LRP1B: variants seen among roughly 807,000 people sequenced by gnomAD.
LRP1B encodes LDL receptor related protein 1B.
Under a neutral mutation model 556.6 loss-of-function variants are expected in LRP1B, and 217 were observed. The observed-to-expected ratio is 0.39, with a 90% CI of 0.35 to 0.44. The LOEUF is 0.44. Among genes scored for constraint, LRP1B ranks in the 20% least tolerant of loss-of-function variants. The probability of loss-of-function intolerance (pLI) is 1.00; values close to 1 mark genes in which losing one functional copy is unlikely to be tolerated. For synonymous variants in LRP1B, 2,047 were observed against 1,865.8 expected (o/e 1.10, Z -2.50); for missense variants, 5,053 against 5,620.8 (o/e 0.90, Z 3.23).
intron 66 of LRP1B, among the ~76,000 whole-genome samples, chr2:140,410,802 G>T (rs1684940830): frequency 6.6e-6 from 1 of 152,102 alleles, no homozygotes; most frequent in African/African-American, 2.4e-5. Context: ...AGAAAGAAAA[G>T]AATTGGTATT....
chr2:141,624,872 C>G (rs1443598330), intron 2 of LRP1B, among the ~76,000 whole-genome samples: 1 of 152,118 alleles, frequency 6.6e-6, no homozygotes, highest in Non-Finnish European at 1.5e-5. Flanking sequence ...CAGGTTCATT[C>G]CATTCTCCTG....
intron 1 of LRP1B, among the ~76,000 whole-genome samples, chr2:141,879,716 C>A (rs533548055): frequency 6.6e-6 from 1 of 151,980 alleles, no homozygotes; most frequent in South Asian, 2.1e-4. Flanking sequence ...AAAATAGAGT[C>A]ATCTGGGATA....
intron 1 of LRP1B, among the ~76,000 whole-genome samples, chr2:142,012,538 C>T (rs2105158296): frequency 6.6e-6 from 1 of 152,202 alleles, no homozygotes; most frequent in African/African-American, 2.4e-5. Context: ...ATAAGTGCTG[C>T]CTGTTTCAGC....
intron 2 of LRP1B, among the ~76,000 whole-genome samples, chr2:141,537,098 G>T (rs1344089723): frequency 6.6e-6 from 1 of 151,994 alleles, no homozygotes; most frequent in South Asian, 2.1e-4. Context: ...ATAACTAAGA[G>T]CACATGCCTC....
intron 7 of LRP1B, among the ~76,000 whole-genome samples, chr2:141,111,962 C>T (rs1301673609): frequency 1.3e-5 from 2 of 151,702 alleles, no homozygotes; most frequent in Non-Finnish European, 1.5e-5. Flanking sequence ...AGGAGAATGG[C>T]GTGAACTCGG....
intron 2 of LRP1B, among the ~76,000 whole-genome samples, chr2:141,673,281 A>G (rs975444646): frequency 1.2e-4 from 18 of 152,204 alleles, no homozygotes; most frequent in African/African-American, 4.3e-4. Flanking sequence ...CTTTACTGCA[A>G]TGTTGAATAC....
chr2:141,455,858 A>G (rs945524770), intron 3 of LRP1B, among the ~76,000 whole-genome samples: 1 of 152,220 alleles, frequency 6.6e-6, no homozygotes, highest in South Asian at 2.1e-4. Context: ...CTATCATTCA[A>G]AGAATAATGA....
intron 3 of LRP1B, among the ~76,000 whole-genome samples, chr2:141,321,753 T>C (rs572356712): frequency 1.2e-4 from 19 of 152,252 alleles, no homozygotes; most frequent in African/African-American, 4.6e-4. Context: ...TGGTCTTTTA[T>C]GATCCAGATA....
chr2:140,952,606 A>C (rs1695751369), intron 18 of LRP1B, among the ~76,000 whole-genome samples: 1 of 152,174 alleles, frequency 6.6e-6, no homozygotes, highest in African/African-American at 2.4e-5. Context: ...AGACCTCCTT[A>C]CTAACCTTTA....
chr2:141,403,056 A>G (rs1690503516), intron 3 of LRP1B, among the ~76,000 whole-genome samples: 1 of 152,106 alleles, frequency 6.6e-6, no homozygotes, highest in Non-Finnish European at 1.5e-5. Flanking sequence ...CTGAAATTTT[A>G]GACAACAGTG....
intron 2 of LRP1B, among the ~76,000 whole-genome samples, chr2:141,583,057 G>A (rs1687007302): frequency 6.6e-6 from 1 of 151,788 alleles, no homozygotes; most frequent in South Asian, 2.1e-4. Context: ...AGGATGGTCT[G>A]GATTGCCTGA....
chr2:141,243,730 G>T (rs538265790), intron 5 of LRP1B, among the ~76,000 whole-genome samples: 2 of 152,132 alleles, frequency 1.3e-5, no homozygotes, highest in East Asian at 1.9e-4. Flanking sequence ...TACCATTGAA[G>T]TTCCTCCCAA....
At chr2:140,424,358 A>G (rs1685570621) in intron 66 of LRP1B, among the ~76,000 whole-genome samples, 1 of 152,218 alleles carries the variant, frequency 6.6e-6, no homozygotes, top group Non-Finnish European at 1.5e-5. Flanking sequence ...ATTCCTTTAA[A>G]TAAAATACAA....
At chr2:140,416,005 C>T (rs913632813) in intron 66 of LRP1B, among the ~76,000 whole-genome samples, 2 of 152,154 alleles carry the variant, frequency 1.3e-5, no homozygotes, top group African/African-American at 4.8e-5. Context: ...TGCAGGGGTC[C>T]CCAACCCCTG....
chr2:140,897,222 A>G (rs2105213160), intron 23 of LRP1B, among the ~76,000 whole-genome samples: 1 of 152,312 alleles, frequency 6.6e-6, no homozygotes, highest in South Asian at 2.1e-4. Flanking sequence ...GTACTGCTAG[A>G]GTTTTGTTGG....
chr2:141,256,512 C>T (rs1236955871), intron 3 of LRP1B, among the ~76,000 whole-genome samples: 2 of 151,928 alleles, frequency 1.3e-5, no homozygotes, highest in Non-Finnish European at 2.9e-5. Flanking sequence ...TACATTCTGA[C>T]TTGTATTGTT....
chr2:141,419,558 T>C (rs1680062804), intron 3 of LRP1B, among the ~76,000 whole-genome samples: 1 of 152,174 alleles, frequency 6.6e-6, no homozygotes, highest in Admixed American at 6.5e-5. Context: ...CCCAATTTGT[T>C]GTTGCATAAT....
chr2:142,022,834 C>T (rs1465373893), intron 1 of LRP1B, among the ~76,000 whole-genome samples: 1 of 152,070 alleles, frequency 6.6e-6, no homozygotes, highest in African/African-American at 2.4e-5. Flanking sequence ...TCACGCCCGG[C>T]TAATTTTTTT....
At chr2:140,466,112 CTT>C (rs1478549113) in intron 60 of LRP1B, among the ~76,000 whole-genome samples, 5 of 142,438 alleles carry the variant, frequency 3.5e-5, no homozygotes, top group Non-Finnish European at 7.6e-5. Flanking sequence ...TCAATTTCCT[CTT>C]TTCTTTTTTC....
Sources: gnomAD v4.1 joint callset for allele counts (sites outside exome capture counted in the v4.1 genomes callset) on GRCh38, gnomAD v4.1.1 for gene constraint, MANE v1.5 for transcripts, NCBI Gene and HGNC (gene_info 2026-07-23, HGNC 2026-07-21) for gene names.